Variants in DDAH1 observed in about 807,000 individuals in gnomAD.
DDAH1 encodes dimethylarginine dimethylaminohydrolase 1.
Under a neutral mutation model 28.8 loss-of-function variants are expected in DDAH1, and 19 were observed. The ratio of observed to expected loss-of-function variants is 0.66; its 90% CI spans 0.46 to 0.97. DDAH1 has a LOEUF of 0.97. DDAH1 is among the 50% of genes least tolerant of loss of function. The pLI is 0.00. For missense variants in DDAH1, 326 were observed against 375.9 expected (o/e 0.87, Z 1.10); for synonymous variants, 153 against 154.4 (o/e 0.99, Z 0.07).
At chr1:85,534,603 C>A (rs1157970648) in intron 1 of DDAH1, among the ~76,000 whole-genome samples, 3 of 152,018 alleles carry the variant, frequency 2.0e-5, no homozygotes, top group Non-Finnish European at 2.9e-5. Flanking sequence ...CAGCTATGTA[C>A]CTTCAGAAAT....
chr1:85,382,060 A>C (rs940685745), intron 1 of DDAH1, among the ~76,000 whole-genome samples: 8 of 152,318 alleles, frequency 5.3e-5, no homozygotes, highest in African/African-American at 1.4e-4. Flanking sequence ...CTCACTTTAA[A>C]TCAGAAGCTA....
chr1:85,426,903 T>C (rs1653418076), intron 1 of DDAH1, among the ~76,000 whole-genome samples: 1 of 123,750 alleles, frequency 8.1e-6, no homozygotes, highest in Non-Finnish European at 1.6e-5. Context: ...AGAGTGAGAC[T>C]CTGATTCTTA....
At chr1:85,531,459 G>A (rs1333176598) in intron 1 of DDAH1, among the ~76,000 whole-genome samples, 1 of 152,224 alleles carries the variant, frequency 6.6e-6, no homozygotes, top group Non-Finnish European at 1.5e-5. Flanking sequence ...ATGTATTTTA[G>A]TGAATAATAG....
chr1:85,535,281 C>A (rs1480493481), intron 1 of DDAH1, among the ~76,000 whole-genome samples: 1 of 150,524 alleles, frequency 6.6e-6, no homozygotes, highest in East Asian at 2.0e-4. Flanking sequence ...GAAAATCTAT[C>A]GTATTTTTAA....
chr1:85,489,437 G>C (rs945582359), intron 2 of DDAH1, among the ~76,000 whole-genome samples: 1 of 152,194 alleles, frequency 6.6e-6, no homozygotes, highest in East Asian at 1.9e-4. Flanking sequence ...GAGTAACACT[G>C]TTGGCTGAGA....
intron 1 of DDAH1, among the ~76,000 whole-genome samples, chr1:85,519,972 CTTTA>C (rs1553145018): frequency 0.043 from 6,406 of 150,668 alleles, 195 homozygotes; most frequent in South Asian, 0.11. Flanking sequence ...TTTTTTTCCC[CTTTA>C]TTTATTTATT....
intron 1 of DDAH1, among the ~76,000 whole-genome samples, chr1:85,423,054 T>C (rs539291134): frequency 6.6e-6 from 1 of 152,356 alleles, no homozygotes; most frequent in East Asian, 1.9e-4. Context: ...AAATGGCTTT[T>C]AATCCTTGTC....
chr1:85,462,415 A>G lies in DDAH1; in HGVS notation c.303+2328T>C, dbSNP rs558892161. On this transcript the variant is annotated intron_variant, in intron 1 of 5. Transcript: ENST00000284031. ...GAGTTTTTAAAAGACCAGCTTGGCT[A>G]CAGTGTGGGAATGGAATGGAAAATT... Among the ~76,000 whole-genome samples, 107 of 152,312 alleles carry G rather than the reference A, an allele frequency of 7.0e-4. 1 individual carries two copies. In the Middle Eastern group the frequency reaches 0.01, roughly 15 times the overall value.
At chr1:85,396,871 T>C (rs1325815047) in intron 1 of DDAH1, among the ~76,000 whole-genome samples, 1 of 151,676 alleles carries the variant, frequency 6.6e-6, no homozygotes, top group Non-Finnish European at 1.5e-5. Flanking sequence ...CCTATTGCTA[T>C]AAGAAATACA....
chr1:85,577,981 T>C (rs1419851617), intron 1 of DDAH1: 2 of 985,278 alleles, frequency 2.0e-6, no homozygotes, highest in African/African-American at 3.5e-5. Flanking sequence ...AAGCAACACT[T>C]ACCCATAAAC....
chr1:85,435,058 C>T (rs1653871651), intron 1 of DDAH1: 1 of 151,960 alleles, frequency 6.6e-6, no homozygotes. Context: ...AAAAATTTTT[C>T]CAAGGCATTT....
At chr1:85,377,881 G>A (rs933953422) in intron 1 of DDAH1, among the ~76,000 whole-genome samples, 1 of 152,122 alleles carries the variant, frequency 6.6e-6, no homozygotes, top group African/African-American at 2.4e-5. Flanking sequence ...AGTACAAACT[G>A]TAACAAAATT....
chr1:85,456,757 T>G (rs1654899198), intron 1 of DDAH1, among the ~76,000 whole-genome samples: 1 of 152,190 alleles, frequency 6.6e-6, no homozygotes, highest in South Asian at 2.1e-4. Context: ...TACTACAAGA[T>G]GACAGGTTTT....
intron 1 of DDAH1, among the ~76,000 whole-genome samples, chr1:85,376,606 G>C (rs562474870): frequency 5.4e-4 from 82 of 151,724 alleles, no homozygotes; most frequent in African/African-American, 2.0e-3. Context: ...GGAATAAGCT[G>C]TCTGTGTATC....
chr1:85,470,533 G>C (rs1193602727), intron 2 of DDAH1, among the ~76,000 whole-genome samples: 1 of 152,220 alleles, frequency 6.6e-6, no homozygotes, highest in African/African-American at 2.4e-5. Flanking sequence ...GAGAAGGAGG[G>C]CTCAAGGATG....
chr1:85,342,984 T>G (rs897632155), intron 4 of DDAH1, among the ~76,000 whole-genome samples: 1 of 152,248 alleles, frequency 6.6e-6, no homozygotes, highest in Non-Finnish European at 1.5e-5. Flanking sequence ...AGGTCACTTA[T>G]AGACTTTTTC....
At chr1:85,360,613 C>T (rs1483389002) in intron 1 of DDAH1, among the ~76,000 whole-genome samples, 2 of 152,146 alleles carry the variant, frequency 1.3e-5, no homozygotes, top group Non-Finnish European at 2.9e-5. Flanking sequence ...TCTATTATAA[C>T]TTAACATTTC....
intron 1 of DDAH1, among the ~76,000 whole-genome samples, chr1:85,397,731 GAATT>G (rs1471735910): frequency 6.6e-6 from 1 of 152,160 alleles, no homozygotes; most frequent in Admixed American, 6.5e-5. Flanking sequence ...TAATATTTGA[GAATT>G]AATAGAATGC....
At chr1:85,529,297 T>C (rs1356668111) in intron 1 of DDAH1, among the ~76,000 whole-genome samples, 1 of 152,084 alleles carries the variant, frequency 6.6e-6, no homozygotes, top group East Asian at 1.9e-4. Context: ...ACACGTATGG[T>C]TTATAAGTAT....
Sources: allele counts gnomAD v4.1 joint callset (sites outside exome capture counted in the v4.1 genomes callset), GRCh38; gene constraint gnomAD v4.1.1; transcripts MANE v1.5; gene names NCBI Gene and HGNC (gene_info 2026-07-23, HGNC 2026-07-21).